The following ZP3 variants were observed in gnomAD, a reference collection of about 807,000 sequenced individuals.
The protein encoded by ZP3 is zona pellucida sperm-binding protein 3.
ZP3 carries 21 observed loss-of-function variants against 35.6 expected under a neutral mutation model. The observed-to-expected ratio is 0.59, with a 90% CI of 0.42 to 0.85. ZP3 has a LOEUF of 0.85. ZP3 is among the 40% of genes least tolerant of loss of function. The pLI, the probability that ZP3 is intolerant of heterozygous loss-of-function variation, is 0.00. For synonymous variants in ZP3, 207 were observed against 214.5 expected, an observed-to-expected ratio of 0.96 and a Z score of 0.31; for missense variants, 437 against 536.5, an observed-to-expected ratio of 0.81 and a Z score of 1.83.
intron 1 of ZP3, among the ~76,000 whole-genome samples, chr7:76,419,419 T>C (rs1805452766): frequency 3.9e-5 from 6 of 152,206 alleles, no homozygotes. Flanking sequence ...CTCCTTTTCT[T>C]GAAGAGTCCA....
At chr7:76,440,873 AGTT>A (rs1218769353) in intron 7 of ZP3, among the ~76,000 whole-genome samples, 5 of 152,086 alleles carry the variant, frequency 3.3e-5, no homozygotes. Context: ...GAAATATAGC[AGTT>A]GTTAAGATAA....
intron 1 of ZP3, chr7:76,428,714 T>C (rs1805744405): frequency 6.6e-6 from 1 of 152,566 alleles, no homozygotes; most frequent in Non-Finnish European, 1.5e-5. Flanking sequence ...AGAGTTTTGC[T>C]CTTGTTGCCC....
chr7:76,432,859 C>G (rs1390452026), intron 2 of ZP3, 68 bp from the exon 3 acceptor site: 4 of 1,352,516 alleles, frequency 3.0e-6, no homozygotes, highest in Non-Finnish European at 4.2e-6. Context: ...GTGAGATACT[C>G]CCCATCAGTG....
rs1203476650 is a variant in ZP3, at chr7:76,418,550, CAAAAAAAAAAAA to C, written c.-66-6489_-66-6478del. Among the ~76,000 whole-genome samples, 14 of 30,040 alleles carry C rather than the reference CAAAAAAAAAAAA, an allele frequency of 4.7e-4. No individual in the cohort carries two copies. The Admixed American group carries it at 6.3e-3, about 13-fold the overall frequency. The allele number at this position is 30,040 out of a possible 152,430, so 19.7% of individuals were successfully genotyped here. On this transcript the variant is annotated intron_variant, in intron 1 of 8. Transcript: ENST00000336517. ...TGGGCCACGGAGCGAGATTTCATCT[CAAAAAAAAAAAA>C]AAAAAAAAAAAAGGCTGGGCACAGT...
chr7:76,432,119 C>A (rs1339836034), intron 2 of ZP3, among the ~76,000 whole-genome samples: 26 of 151,940 alleles, frequency 1.7e-4, no homozygotes, highest in Admixed American at 1.7e-3. Flanking sequence ...ACCTCCTGGG[C>A]TCAAGCAATC....
At position 76,425,572 on chromosome 7, in the gene ZP3, C is replaced by G. The variant is rs9640578; in HGVS notation, c.312+296C>G. On this transcript the variant is annotated intron_variant, in intron 1 of 7. Coordinates refer to ENST00000394857, the MANE Select transcript of ZP3 (RefSeq NM_001110354.2). ...TGGGTTTGTGACACACACAGGCCTG[C>G]GTGATAGGATAGCCCTGTGGGTAGC... is the stretch of plus-strand genomic sequence containing the variant. 0.32 allele frequency among the ~76,000 whole-genome samples: 48,291 copies of G among 151,822 alleles called. 7,763 individuals carry two copies. The highest frequency in any genetic ancestry group is 0.35 in the Non-Finnish European group (23,471 of 67,896).
At chr7:76,415,928 A>G (rs62476847) in intron 1 of ZP3, among the ~76,000 whole-genome samples, 89,175 of 149,870 alleles carry the variant, frequency 0.6, 27,483 homozygotes, top group African/African-American at 0.76. Context: ...TCAGGATTTC[A>G]AGACCAGCCT....
chr7:76,425,415 C>T (rs1805621802), intron 1 of ZP3, 139 bp downstream of exon 1: 1 of 939,496 alleles, frequency 1.1e-6, no homozygotes, highest in Non-Finnish European at 1.5e-6. Context: ...CCAGTTGAGG[C>T]CTGAAGCTGG....
At chr7:76,438,079 C>T (rs1228461101) in intron 5 of ZP3, among the ~76,000 whole-genome samples, 1 of 152,248 alleles carries the variant, frequency 6.6e-6, no homozygotes. Flanking sequence ...AGGCTTGTGG[C>T]TCTGAGGCTT....
chr7:76,408,630 G>C (rs891542077), intron 1 of ZP3, among the ~76,000 whole-genome samples: 2 of 151,984 alleles, frequency 1.3e-5, no homozygotes, highest in Non-Finnish European at 2.9e-5. Context: ...AAGGACCCCC[G>C]ATCCTGATCC....
intron 1 of ZP3, among the ~76,000 whole-genome samples, chr7:76,404,971 G>A (rs1804952199): frequency 6.6e-6 from 1 of 151,704 alleles, no homozygotes. Flanking sequence ...TCGGGAAGCT[G>A]AGGCAGGAGA....
At chr7:76,402,509 G>T (rs1016360786) in intron 1 of ZP3, among the ~76,000 whole-genome samples, 1 of 151,368 alleles carries the variant, frequency 6.6e-6, no homozygotes, top group Non-Finnish European at 1.5e-5. Context: ...GTAGAGACAG[G>T]GGTCTCACTT....
upstream of ZP3, among the ~76,000 whole-genome samples, chr7:76,424,230 G>C (rs542994071): frequency 2.6e-5 from 4 of 152,318 alleles, no homozygotes; most frequent in South Asian, 8.3e-4. Context: ...AGGGCCAGCA[G>C]GGGATCGGAG....
At chr7:76,440,371 G>A in intron 6 of ZP3, 30 bp downstream of exon 6, 1 of 1,610,882 alleles carries the variant, frequency 6.2e-7, no homozygotes, top group Non-Finnish European at 8.5e-7. Context: ...CGTGACTGGA[G>A]TAGAAACTGA....
intron 1 of ZP3, among the ~76,000 whole-genome samples, chr7:76,406,107 T>C (rs1805020584): frequency 6.6e-6 from 1 of 152,160 alleles, no homozygotes; most frequent in African/African-American, 2.4e-5. Flanking sequence ...TGCCTCAGCC[T>C]CCTGAGTAGC....
At chr7:76,398,870 A>T (rs1299492126) in intron 1 of ZP3, 1 of 1,515,942 alleles carries the variant, frequency 6.6e-7, no homozygotes, top group Non-Finnish European at 9.1e-7. Flanking sequence ...TTTAAGGGGC[A>T]GGAGGATGGA....
At chr7:76,431,914 AG>A (rs1050500110) in intron 2 of ZP3, among the ~76,000 whole-genome samples, 4 of 143,264 alleles carry the variant, frequency 2.8e-5, no homozygotes, top group Non-Finnish European at 6.2e-5. Context: ...AAAAAAAAAA[AG>A]ATGGCCTTAG....
upstream of ZP3, among the ~76,000 whole-genome samples, chr7:76,422,811 A>T (rs2115872061): frequency 6.6e-6 from 1 of 151,748 alleles, no homozygotes; most frequent in African/African-American, 2.4e-5. Context: ...CAGCCTGGCC[A>T]ACATGGTGAA....
intron 7 of ZP3, 107 bp downstream of exon 7, chr7:76,440,718 G>T: frequency 6.6e-7 from 1 of 1,509,750 alleles, no homozygotes; most frequent in Non-Finnish European, 8.9e-7. Context: ...CATTAAAACT[G>T]TTTGTACCTA....
Sources: gnomAD v4.1 joint callset for allele counts (sites outside exome capture counted in the v4.1 genomes callset) on GRCh38, gnomAD v4.1.1 for gene constraint, MANE v1.5 for transcripts, NCBI Gene and HGNC (gene_info 2026-07-23, HGNC 2026-07-21) for gene names.